Variants in RBFOX1 observed in about 807,000 individuals in gnomAD.
RBFOX1 encodes RNA binding fox-1 homolog 1, also known as RNA binding protein fox-1 homolog 1.
A neutral mutation model predicts 57.7 loss-of-function variants in RBFOX1; 8 were observed. That is an observed-to-expected ratio of 0.14 (90% CI 0.08 to 0.25). RBFOX1 has a LOEUF of 0.25. Among genes scored for constraint, RBFOX1 ranks in the 10% least tolerant of loss-of-function variants. The probability of loss-of-function intolerance (pLI) is 1.00; values close to 1 mark genes in which losing one functional copy is unlikely to be tolerated. For missense variants in RBFOX1, 611 were observed against 548.5 expected, an observed-to-expected ratio of 1.11 and a Z score of -1.14; for synonymous variants, 326 against 222.4, an observed-to-expected ratio of 1.47 and a Z score of -4.15.
intron 3 of RBFOX1, among the ~76,000 whole-genome samples, chr16:6,830,736 A>C (rs2092647188): frequency 6.6e-6 from 1 of 151,916 alleles, no homozygotes; most frequent in Non-Finnish European, 1.5e-5. Context: ...ATGGTTCTCT[A>C]CTCTTTGCAT....
chr16:5,530,117 C>T (rs1387175709), intron 2 of RBFOX1, among the ~76,000 whole-genome samples: 1 of 152,136 alleles, frequency 6.6e-6, no homozygotes, highest in African/African-American at 2.4e-5. Context: ...TGGCACTTTG[C>T]TATGGTAGCC....
At chr16:6,809,490 C>T (rs1351441110) in intron 3 of RBFOX1, among the ~76,000 whole-genome samples, 2 of 152,100 alleles carry the variant, frequency 1.3e-5, no homozygotes, top group Non-Finnish European at 2.9e-5. Context: ...TCCTCATCTA[C>T]ATTGAAGAGC....
At chr16:6,299,645 C>T (rs921883078) in intron 1 of RBFOX1, among the ~76,000 whole-genome samples, 1 of 152,204 alleles carries the variant, frequency 6.6e-6, no homozygotes, top group Non-Finnish European at 1.5e-5. Flanking sequence ...CAGAACAAGT[C>T]ATTCCCCTTC....
intron 1 of RBFOX1, among the ~76,000 whole-genome samples, chr16:5,421,887 G>A (rs921342827): frequency 2.6e-5 from 4 of 152,132 alleles, no homozygotes; most frequent in Non-Finnish European, 5.9e-5. Flanking sequence ...CGTGGTTAGG[G>A]ACATGAAAAC....
At chr16:7,017,485 AAT>A (rs1198653223) in intron 3 of RBFOX1, among the ~76,000 whole-genome samples, 5 of 152,182 alleles carry the variant, frequency 3.3e-5, no homozygotes, top group African/African-American at 1.2e-4. Context: ...ATGCTTGTAA[AAT>A]ATAGCCAGAT....
intron 3 of RBFOX1, among the ~76,000 whole-genome samples, chr16:5,826,224 A>C (rs1445161645): frequency 6.6e-6 from 1 of 151,110 alleles, no homozygotes; most frequent in Admixed American, 6.6e-5. Context: ...AATATTACTT[A>C]CTCATTTACA....
intron 4 of RBFOX1, among the ~76,000 whole-genome samples, chr16:7,351,349 A>C (rs1304400562): frequency 6.6e-6 from 1 of 152,250 alleles, no homozygotes; most frequent in Non-Finnish European, 1.5e-5. Flanking sequence ...TTCCTTTGAT[A>C]ATTCTTTAGA....
chr16:6,853,129 A>G (rs377606164), intron 3 of RBFOX1, among the ~76,000 whole-genome samples: 1 of 152,102 alleles, frequency 6.6e-6, no homozygotes, highest in East Asian at 1.9e-4. Flanking sequence ...GATTGTGCGA[A>G]CTTGGGAAAG....
chr16:7,411,148 G>GT (rs1390357711), intron 4 of RBFOX1, among the ~76,000 whole-genome samples: 1 of 152,010 alleles, frequency 6.6e-6, no homozygotes, highest in African/African-American at 2.4e-5. Flanking sequence ...GTTTTGTCAT[G>GT]TTGGCCAGGT....
intron 3 of RBFOX1, among the ~76,000 whole-genome samples, chr16:7,009,285 C>G (rs947123230): frequency 6.8e-5 from 10 of 146,078 alleles, no homozygotes; most frequent in African/African-American, 2.3e-4. Flanking sequence ...TCTCTTTTCT[C>G]TCTCACTCTC....
rs779277358 is a variant in RBFOX1, at chr16:6,148,149, T to C, written c.-127+128157T>C. On this transcript the variant is annotated intron_variant, in intron 1 of 15. Coordinates refer to ENST00000550418, the MANE Select transcript of RBFOX1 (RefSeq NM_018723.4). Reference sequence around the variant, plus strand: ...TTCGACACCAGCCCGGCAAACATGGTGAAACCCGTCTCTACTAAAATACAG... The same window carrying C: ...TTCGACACCAGCCCGGCAAACATGGCGAAACCCGTCTCTACTAAAATACAG... Among the ~76,000 whole-genome samples the C allele has an allele frequency of 1.1e-4, 17 of 152,094 alleles. 1 individual carries two copies. The highest frequency in any genetic ancestry group is 8.8e-5 in the Non-Finnish European group (6 of 68,008).
chr16:6,943,244 C>T (rs903064417), intron 3 of RBFOX1, among the ~76,000 whole-genome samples: 4 of 152,182 alleles, frequency 2.6e-5, no homozygotes, highest in African/African-American at 7.2e-5. Flanking sequence ...AGAAAGCCAG[C>T]AGTCAATGAC....
intron 3 of RBFOX1, among the ~76,000 whole-genome samples, chr16:5,743,190 T>C (rs1040914044): frequency 7.2e-5 from 11 of 152,216 alleles, no homozygotes; most frequent in African/African-American, 2.7e-4. Context: ...CTATTTCTCT[T>C]TGTATGTCTC....
chr16:7,000,376 C>A (rs2092675145), intron 3 of RBFOX1, among the ~76,000 whole-genome samples: 1 of 151,882 alleles, frequency 6.6e-6, no homozygotes. Flanking sequence ...AAACTGGTAC[C>A]ACCTCCAACT....
Position 5,985,343 on chromosome 16 carries a change from G to A in RBFOX1, c.351+118008G>A, listed in dbSNP as rs1237332825. Among the ~76,000 whole-genome samples, 4 of 151,892 alleles carry A rather than the reference G, an allele frequency of 2.6e-5. No individual in the cohort carries two copies. In the East Asian group the frequency reaches 7.8e-4, roughly 30 times the overall value. Reference sequence around the variant, plus strand: ...TTGTCATGGATGCCATCCATCCTTGGTGAGAAACTCATTCTGCAGTTCAGG... The same window carrying A: ...TTGTCATGGATGCCATCCATCCTTGATGAGAAACTCATTCTGCAGTTCAGG... On this transcript the variant is annotated intron_variant, in intron 4 of 19. Transcript: ENST00000641259.
At position 6,221,219 on chromosome 16, in the gene RBFOX1, G is replaced by A. The variant is rs139682153; in HGVS notation, c.-126-95776G>A. Among the ~76,000 whole-genome samples, 212 of 152,208 alleles carry A rather than the reference G, an allele frequency of 1.4e-3. 1 individual carries two copies. The highest frequency in any genetic ancestry group is 3.4e-3 in the Middle Eastern group (1 of 294). ...GTCATAGCAATGTATATAACTACTA[G>A]CAATGCATATAAATGCTAGTTTCTC... On this transcript the variant is annotated intron_variant, in intron 1 of 15. Transcript: ENST00000550418.
intron 4 of RBFOX1, among the ~76,000 whole-genome samples, chr16:7,153,933 C>G (rs544562653): frequency 6.6e-6 from 1 of 151,894 alleles, no homozygotes; most frequent in African/African-American, 2.4e-5. Flanking sequence ...TAAAAAAAAC[C>G]CTTTTAAATG....
At position 5,434,844 on chromosome 16, in the gene RBFOX1, C is replaced by T. The variant is rs74004305; in HGVS notation, c.220-32372C>T. Among the ~76,000 whole-genome samples the T allele has an allele frequency of 2.7e-3, 415 of 152,160 alleles. 1 individual carries two copies. The highest frequency in any genetic ancestry group is 9.7e-3 in the African/African-American group (403 of 41,514). Reference sequence around the variant, plus strand: ...TACCTGCCTAATGTTAAATAGTGACCTTAAGCCTCCAGTTTTCACTGGCTT... The same window carrying T: ...TACCTGCCTAATGTTAAATAGTGACTTTAAGCCTCCAGTTTTCACTGGCTT... On this transcript the variant is annotated intron_variant, in intron 1 of 2. Coordinates refer to the RBFOX1 transcript ENST00000585867.
intron 4 of RBFOX1, among the ~76,000 whole-genome samples, chr16:7,474,157 C>T (rs1475884094): frequency 6.6e-6 from 1 of 152,098 alleles, no homozygotes; most frequent in Non-Finnish European, 1.5e-5. Context: ...CATGGTGGCG[C>T]ATGCCTGTAG....
Sources: gnomAD v4.1 joint callset for allele counts (sites outside exome capture counted in the v4.1 genomes callset) on GRCh38, gnomAD v4.1.1 for gene constraint, MANE v1.5 for transcripts, NCBI Gene and HGNC (gene_info 2026-07-23, HGNC 2026-07-21) for gene names.